The following CPLX2 variants were observed in gnomAD, a reference collection of about 807,000 sequenced individuals.
CPLX2 encodes complexin-2.
Under a neutral mutation model 16.3 loss-of-function variants are expected in CPLX2, and 5 were observed. The observed-to-expected ratio is 0.31, with a 90% CI of 0.16 to 0.64. The LOEUF is 0.64. CPLX2 is among the 30% of genes least tolerant of loss of function. CPLX2 has a pLI of 0.79. For missense variants in CPLX2, 144 were observed against 181.4 expected (o/e 0.79, Z 1.18); for synonymous variants, 89 against 73.2 (o/e 1.22, Z -1.10).
chr5:175,838,527 CA>C lies in CPLX2; in HGVS notation c.-89+29463del, dbSNP rs538141939. Among the ~76,000 whole-genome samples the C allele has an allele frequency of 2.3e-3, 344 of 152,216 alleles. 3 individuals carry two copies. Among genetic ancestry groups the C allele is most frequent in the African/African-American group, 7.8e-3 (324 of 41,530 alleles). On this transcript the variant is annotated intron_variant, in intron 2 of 4. Coordinates refer to the CPLX2 transcript ENST00000359546. ...TCGTGATCCAACCGCCTCGGCCTCC[CA>C]AAAGTGCGCGTGAGCCACCGCGCCC... is the stretch of plus-strand genomic sequence containing the variant.
rs1362464152 is a variant in CPLX2, at chr5:175,879,863, A to G, written c.223A>G (p.Lys75Glu). The G allele has an allele frequency of 1.7e-5, 27 of 1,611,654 alleles. No individual in the cohort carries two copies. Among genetic ancestry groups the G allele is most frequent in the South Asian group, 2.2e-5 (2 of 90,608 alleles). The change falls in exon 4 of 4, where the codon AAG becomes GAG. Residue 75 changes from lysine (K) to glutamate (E), a missense_variant. Lys to Glu is a moderately conservative substitution (Grantham distance 56). Coordinates refer to ENST00000393745, the MANE Select transcript of CPLX2 (RefSeq NM_001008220.2). ...QIRDKYGLKKKEEKEAEEKAA... is the reference protein window; with the variant it reads ...QIRDKYGLKKEEEKEAEEKAA... ...CCCTCCCCAGTATGGGCTGAAGAAG[A>G]AGGAGGAGAAGGAAGCAGAGGAGAA...
intron 2 of CPLX2, among the ~76,000 whole-genome samples, chr5:175,862,181 C>T (rs1344817974): frequency 1.3e-5 from 2 of 152,226 alleles, no homozygotes; most frequent in Non-Finnish European, 2.9e-5. Flanking sequence ...CCCTGGCATA[C>T]AGTAGATGCT....
chr5:175,835,502 C>T (rs1414487398), intron 2 of CPLX2, among the ~76,000 whole-genome samples: 2 of 152,102 alleles, frequency 1.3e-5, no homozygotes, highest in African/African-American at 2.4e-5. Context: ...AAAGGTATTA[C>T]AAGAAAACCA....
chr5:175,868,935 C>T (rs1759528474), upstream of CPLX2, among the ~76,000 whole-genome samples: 1 of 152,170 alleles, frequency 6.6e-6, no homozygotes, highest in African/African-American at 2.4e-5. Context: ...CCATCTTGAA[C>T]ATAAGTGCTT....
In CPLX2 at chr5:175,878,684, G is replaced by A. The variant is rs552888698; in HGVS notation, c.-56G>A. On this transcript the variant is annotated 5_prime_UTR_variant, in exon 2 of 4. Transcript: ENST00000393745. ...CATCTTCCCAAGCCAGGCCAGCCAG[G>A]AGCGCTGCATGCAAATTCTGCCGTG... 1.6e-5 allele frequency: 25 copies of A among 1,598,868 alleles called. No homozygotes were observed. In the South Asian group the frequency reaches 2.0e-4, roughly 13 times the overall value.
intron 2 of CPLX2, among the ~76,000 whole-genome samples, chr5:175,860,657 TG>T (rs1759356908): frequency 6.9e-6 from 1 of 145,574 alleles, no homozygotes; most frequent in African/African-American, 2.6e-5. Flanking sequence ...TCTTTCCTGT[TG>T]GTTCCAGCTA....
intron 2 of CPLX2, among the ~76,000 whole-genome samples, chr5:175,851,249 A>T (rs17065575): frequency 0.056 from 8,518 of 152,204 alleles, 287 homozygotes; most frequent in Middle Eastern, 0.12. Context: ...GAAACACACC[A>T]GCACCATTCA....
At chr5:175,808,211 C>T (rs905795839) in intron 1 of CPLX2, among the ~76,000 whole-genome samples, 4 of 152,134 alleles carry the variant, frequency 2.6e-5, no homozygotes, top group Non-Finnish European at 4.4e-5. Context: ...ACCATCTCCC[C>T]CTCTCCGCAT....
chr5:175,811,757 G>A (rs1046688426), intron 2 of CPLX2, among the ~76,000 whole-genome samples: 5 of 152,358 alleles, frequency 3.3e-5, no homozygotes, highest in Admixed American at 3.3e-4. Context: ...GCCTTTCAGA[G>A]AGGACCAGGG....
At chr5:175,861,361 C>G (rs995530820) in intron 2 of CPLX2, among the ~76,000 whole-genome samples, 1 of 152,154 alleles carries the variant, frequency 6.6e-6, no homozygotes, top group Non-Finnish European at 1.5e-5. Flanking sequence ...GAGGGCTCTG[C>G]AGCAGGGAGC....
chr5:175,879,135 C>T, intron 3 of CPLX2, 52 bp downstream of exon 3: 4 of 1,519,328 alleles, frequency 2.6e-6, no homozygotes, highest in East Asian at 2.5e-5. Flanking sequence ...CGGGTAAAAC[C>T]GGTCCAGCTA....
intron 1 of CPLX2, among the ~76,000 whole-genome samples, chr5:175,798,519 AC>A (rs1358069531): frequency 6.6e-6 from 1 of 152,140 alleles, no homozygotes; most frequent in African/African-American, 2.4e-5. Flanking sequence ...GTAAGGAAAG[AC>A]CAGGAAAATG....
At chr5:175,797,162 G>C (rs962831939) in intron 1 of CPLX2, among the ~76,000 whole-genome samples, 2 of 152,198 alleles carry the variant, frequency 1.3e-5, no homozygotes, top group Admixed American at 6.5e-5. Context: ...CGCGGCGGCG[G>C]ACAGCTCTCT....
rs536121884 is a variant in CPLX2, at chr5:175,880,246, A to G, written c.*201A>G. On this transcript the variant is annotated 3_prime_UTR_variant, in exon 4 of 4. Transcript: ENST00000393745. ...GGGTATCCACCTGCACCCCACTCCC[A>G]AGTAGCTTGAAAAAGGGAGGACAGT... The G allele has an allele frequency of 4.3e-6, 3 of 700,850 alleles. No homozygotes were observed. The East Asian group carries it at 8.4e-5, about 20-fold the overall frequency. 43.4% of individuals were successfully genotyped at this position (700,850 alleles called of 1,614,324 possible).
In CPLX2 at chr5:175,810,584, A is replaced by G. The variant is rs149287858; in HGVS notation, c.-89+1516A>G. On this transcript the variant is annotated intron_variant, in intron 2 of 4. Transcript: ENST00000359546. ...TCAATACGTGTGTACTGAGTGTTATATAAGACCAAACTCAGTACCAATTCC... is the reference window on the plus strand; with the variant it reads ...TCAATACGTGTGTACTGAGTGTTATGTAAGACCAAACTCAGTACCAATTCC... 5.7e-3 allele frequency among the ~76,000 whole-genome samples: 872 copies of G among 152,306 alleles called. 32 individuals are homozygous for G. The highest frequency in any genetic ancestry group is 0.054 in the Admixed American group (821 of 15,296).
chr5:175,873,404 G>T (rs1198574590), intron 1 of CPLX2, among the ~76,000 whole-genome samples: 3 of 151,976 alleles, frequency 2.0e-5, no homozygotes, highest in Non-Finnish European at 2.9e-5. Flanking sequence ...ACGTCCTCAG[G>T]ATCTACCATG....
upstream of CPLX2, among the ~76,000 whole-genome samples, chr5:175,869,491 C>G (rs1759540572): frequency 6.6e-6 from 1 of 152,216 alleles, no homozygotes; most frequent in African/African-American, 2.4e-5. Context: ...TTACCTTTCC[C>G]CCATTGCCCT....
intron 2 of CPLX2, among the ~76,000 whole-genome samples, chr5:175,823,511 C>A (rs531669753): frequency 2.0e-5 from 3 of 152,284 alleles, no homozygotes; most frequent in African/African-American, 7.2e-5. Context: ...TTGGAATGGG[C>A]TTAGCCTGAA....
intron 2 of CPLX2, among the ~76,000 whole-genome samples, chr5:175,847,077 C>T (rs889857049): frequency 2.6e-5 from 4 of 152,200 alleles, no homozygotes; most frequent in African/African-American, 4.8e-5. Flanking sequence ...GGGAGACCCC[C>T]GCCTGGAGTC....
Sources: allele counts gnomAD v4.1 joint callset (sites outside exome capture counted in the v4.1 genomes callset), GRCh38; gene constraint gnomAD v4.1.1; transcripts MANE v1.5; gene names NCBI Gene and HGNC (gene_info 2026-07-23, HGNC 2026-07-21).